PLAC8L1: variants seen among roughly 807,000 people sequenced by gnomAD.
PLAC8L1 encodes the protein PLAC8 like 1, also known as PLAC8-like protein 1.
PLAC8L1 carries 13 observed loss-of-function variants against 16.3 expected under a neutral mutation model. The observed-to-expected ratio is 0.80, with a 90% confidence interval of 0.52 to 1.27. The LOEUF is 1.27. PLAC8L1 is among the 50% of genes most tolerant of loss of function. The pLI is 0.00. For synonymous variants in PLAC8L1, 78 were observed against 79.3 expected (o/e 0.98, Z 0.09); for missense variants, 184 against 220.2 (o/e 0.84, Z 1.04).
At position 146,098,205 on chromosome 5, in the gene PLAC8L1, G is replaced by C; in HGVS notation, c.207C>G (p.Gly69=). 6.2e-7 allele frequency: 1 copy of C among 1,613,964 alleles called. No homozygotes were observed. Among genetic ancestry groups the C allele is most frequent in the Non-Finnish European group, 8.5e-7 (1 of 1,179,948 alleles). The change falls in exon 2 of 4, where the codon GGC becomes GGG. Residue 69 remains glycine, a synonymous_variant. Coordinates refer to ENST00000311450, the MANE Select transcript of PLAC8L1 (RefSeq NM_001029869.3). Reference sequence around the variant, plus strand: ...TGAAGAGACCGGTGCTCCAGCCCCCGCCAGTCTGGACAATTGCTGTGATTG... The same window carrying C: ...TGAAGAGACCGGTGCTCCAGCCCCCCCCAGTCTGGACAATTGCTGTGATTG... ...RTTITAIVQT[G]GGWSTGLFSV... is the part of the protein sequence containing the mutation.
chr5:146,085,888 A>C (rs1009618975), intron 2 of PLAC8L1, among the ~76,000 whole-genome samples: 3 of 152,174 alleles, frequency 2.0e-5, no homozygotes, highest in African/African-American at 7.2e-5. Flanking sequence ...AAAGCATCAA[A>C]TAATTTTTTT....
At chr5:146,102,040 C>CTTTTTTTTTTTTTTTTGTTTTTTTTTTT in intron 1 of PLAC8L1, among the ~76,000 whole-genome samples, 1 of 130,506 alleles carries the variant, frequency 7.7e-6, no homozygotes, top group Non-Finnish European at 1.6e-5. Flanking sequence ...TGTGTTTACC[C>CTTTTTTTTTTTTTTTTGTTTTTTTTTTT]TTTTTTTTTT....
intron 1 of PLAC8L1, chr5:146,103,605 A>G (rs1355556568): frequency 9.7e-6 from 9 of 931,484 alleles, no homozygotes; most frequent in African/African-American, 5.3e-5. Context: ...TGGTGATCCT[A>G]ACCCTCAGAA....
Position 146,098,140 on chromosome 5 carries a change from A to C in PLAC8L1, c.256+16T>G, listed in dbSNP as rs367556631. 9.1e-5 allele frequency: 146 copies of C among 1,602,930 alleles called. No homozygotes were observed. In the African/African-American group the frequency reaches 1.9e-3, roughly 21 times the overall value. On this transcript the variant is annotated intron_variant, in intron 2 of 3. Transcript: ENST00000311450. ...AAAATAGTAAGGAGGAACTTAAATA[A>C]GGAGGAAAAACTTACAAATTCTCCT...
Position 146,105,515 on chromosome 5 carries a change from T to C in PLAC8L1, c.-1204A>G, listed in dbSNP as rs185909918. Among the ~76,000 whole-genome samples the C allele has an allele frequency of 1.5e-5, 2 of 137,408 alleles. No homozygotes were observed. The highest frequency in any genetic ancestry group is 1.7e-4 in the Admixed American group (2 of 11,580). The allele number at this position is 137,408 out of a possible 152,430, so 90.1% of individuals were successfully genotyped here. ...CACTCAATAATTTGTTGAATAAATG[T>C]GCCCTACATGAAAATTCAGGTTTAT... is the stretch of plus-strand genomic sequence containing the variant. On this transcript the variant is annotated 5_prime_UTR_variant, in exon 1 of 4. Coordinates refer to ENST00000311450, the MANE Select transcript of PLAC8L1 (RefSeq NM_001029869.3).
chr5:146,103,734 A>C, intron 1 of PLAC8L1: 1 of 985,338 alleles, frequency 1.0e-6, no homozygotes, highest in Non-Finnish European at 1.2e-6. Flanking sequence ...TTCTAGCACA[A>C]GCCCTACCAT....
intron 1 of PLAC8L1, 112 bp from the exon 2 acceptor site, chr5:146,098,404 G>T (rs986316784): frequency 9.6e-7 from 1 of 1,038,024 alleles, no homozygotes; most frequent in Non-Finnish European, 1.3e-6. Context: ...ATGCCAAGGG[G>T]CTCATAGCCC....
intron 2 of PLAC8L1, among the ~76,000 whole-genome samples, chr5:146,087,183 A>G (rs1038174520): frequency 1.3e-5 from 2 of 152,130 alleles, no homozygotes; most frequent in African/African-American, 4.8e-5. Flanking sequence ...TGATGCATCT[A>G]TGCTGTTGTG....
At chr5:146,085,781 T>C (rs576321939) in intron 2 of PLAC8L1, among the ~76,000 whole-genome samples, 184 bp from the exon 3 acceptor site, 3 of 152,318 alleles carry the variant, frequency 2.0e-5, no homozygotes, top group Admixed American at 6.5e-5. Flanking sequence ...CTGAGCCACA[T>C]CAAAATTGCC....
chr5:146,088,791 G>A (rs2302036), intron 2 of PLAC8L1, among the ~76,000 whole-genome samples: 33,985 of 152,002 alleles, frequency 0.22, 4,868 homozygotes, highest in Admixed American at 0.34. Flanking sequence ...CACCCAGCCC[G>A]GATACCTGGT....
At position 146,104,229 on chromosome 5, in the gene PLAC8L1, A is replaced by G. The variant is rs1038835272; in HGVS notation, c.83T>C (p.Met28Thr). Residue 28 changes from methionine to threonine, a missense_variant, in exon 1 of 4, where the codon ATG becomes ACG. Physicochemically the swap from Met to Thr is moderately conservative, Grantham distance 81. Transcript: ENST00000311450. ...LNIYSPLLSH[M>T]SSEDEHFISN... Reference sequence around the variant, plus strand: ...AATAAAATGTTCATCTTCAGATGACATGTGTGACAACAGAGGTGAGTATAT... The same window carrying G: ...AATAAAATGTTCATCTTCAGATGACGTGTGTGACAACAGAGGTGAGTATAT... The G allele has an allele frequency of 2.5e-6, 4 of 1,613,742 alleles. No homozygotes were observed. In the African/African-American group the frequency reaches 5.3e-5, roughly 22 times the overall value.
chr5:146,085,359 A>G (rs1763490932), intron 3 of PLAC8L1, 102 bp downstream of exon 3: 12 of 1,334,564 alleles, frequency 9.0e-6, no homozygotes, highest in East Asian at 2.3e-5. Context: ...GTATGTTTCA[A>G]CATCCTCACC....
chr5:146,088,846 GA>G (rs1763564804), intron 2 of PLAC8L1, among the ~76,000 whole-genome samples: 1 of 152,144 alleles, frequency 6.6e-6, no homozygotes, highest in Non-Finnish European at 1.5e-5. Flanking sequence ...AATTTACTGA[GA>G]GTACAGAGTA....
intron 1 of PLAC8L1, chr5:146,103,633 C>T (rs1763860002): frequency 2.0e-6 from 2 of 982,026 alleles, no homozygotes; most frequent in South Asian, 9.4e-5. Context: ...GAGGCTTTAA[C>T]TCAGGAGGCA....
intron 1 of PLAC8L1, among the ~76,000 whole-genome samples, chr5:146,099,150 T>C (rs549273473): frequency 1.3e-5 from 2 of 152,222 alleles, no homozygotes; most frequent in African/African-American, 4.8e-5. Flanking sequence ...AAGGGTAAGT[T>C]GCACTTGGCC....
At chr5:146,100,012 A>G (rs1003923244) in intron 1 of PLAC8L1, among the ~76,000 whole-genome samples, 1 of 152,206 alleles carries the variant, frequency 6.6e-6, no homozygotes, top group Non-Finnish European at 1.5e-5. Flanking sequence ...ACAGGTTTCC[A>G]AGAATGAGGT....
chr5:146,099,834 C>G (rs1763784371), intron 1 of PLAC8L1, among the ~76,000 whole-genome samples: 1 of 152,002 alleles, frequency 6.6e-6, no homozygotes, highest in African/African-American at 2.4e-5. Context: ...GGCAATAAAG[C>G]CAATGGAATT....
chr5:146,088,720 A>G (rs544088485), intron 2 of PLAC8L1, among the ~76,000 whole-genome samples: 1 of 152,274 alleles, frequency 6.6e-6, no homozygotes, highest in Non-Finnish European at 1.5e-5. Context: ...TTCAGTCTCA[A>G]ATAAGACTGG....
chr5:146,085,747 C>T (rs1763500275), intron 2 of PLAC8L1, 150 bp from the exon 3 acceptor site: 2 of 925,314 alleles, frequency 2.2e-6, no homozygotes, highest in Non-Finnish European at 1.5e-6. Flanking sequence ...ATTCCCAAAA[C>T]TCATTGTATG....
Sources: allele counts gnomAD v4.1 joint callset (sites outside exome capture counted in the v4.1 genomes callset), GRCh38; gene constraint gnomAD v4.1.1; transcripts MANE v1.5; gene names NCBI Gene and HGNC (gene_info 2026-07-23, HGNC 2026-07-21).